MAP4K5: variants seen among roughly 807,000 people sequenced by gnomAD.
The protein encoded by MAP4K5 is mitogen-activated protein kinase kinase kinase kinase 5, also known as MAPK/ERK kinase kinase kinase 5.
MAP4K5 carries 82 observed loss-of-function variants against 135.6 expected under a neutral mutation model. That is an observed-to-expected ratio of 0.60 (90% CI 0.51 to 0.73). MAP4K5 has a LOEUF of 0.73. MAP4K5 is among the 30% of genes least tolerant of loss of function. MAP4K5 has a pLI of 0.00. For missense variants in MAP4K5, 907 were observed against 1,010.9 expected, an observed-to-expected ratio of 0.90 and a Z score of 1.39; for synonymous variants, 347 against 335.0, an observed-to-expected ratio of 1.04 and a Z score of -0.39.
chr14:50,511,409 TA>T (rs1392834751), intron 2 of MAP4K5, among the ~76,000 whole-genome samples: 1 of 151,594 alleles, frequency 6.6e-6, no homozygotes, highest in African/African-American at 2.4e-5. Context: ...CTGAGAAGGG[TA>T]GGGGGAAGGG....
At chr14:50,551,329 G>T (rs2038699341) in intron 1 of MAP4K5, among the ~76,000 whole-genome samples, 1 of 133,750 alleles carries the variant, frequency 7.5e-6, no homozygotes, top group Admixed American at 8.2e-5. Flanking sequence ...AAATCAGGAA[G>T]AAATAGAAAC....
At chr14:50,457,830 C>T (rs1255028159) in intron 13 of MAP4K5, among the ~76,000 whole-genome samples, 2 of 152,186 alleles carry the variant, frequency 1.3e-5, no homozygotes, top group Non-Finnish European at 2.9e-5. Flanking sequence ...AACATCTCTC[C>T]TTATCCAGTT....
intron 3 of MAP4K5, among the ~76,000 whole-genome samples, chr14:50,496,242 C>T (rs1280903296): frequency 6.6e-6 from 1 of 152,042 alleles, no homozygotes; most frequent in East Asian, 1.9e-4. Flanking sequence ...AGGAGAATGG[C>T]TTGATCCCGG....
chr14:50,463,603 G>C (rs1000287256), intron 12 of MAP4K5, among the ~76,000 whole-genome samples: 1 of 152,114 alleles, frequency 6.6e-6, no homozygotes, highest in Non-Finnish European at 1.5e-5. Context: ...AAATTTGCTG[G>C]TCAGGCATGG....
intron 14 of MAP4K5, chr14:50,450,298 C>T (rs1298031066): frequency 6.6e-6 from 1 of 152,138 alleles, no homozygotes; most frequent in East Asian, 1.9e-4. Context: ...CAGCTATCTA[C>T]ATGTAAACAT....
chr14:50,479,688 T>C (rs1028343511), intron 6 of MAP4K5, among the ~76,000 whole-genome samples: 8 of 152,198 alleles, frequency 5.3e-5, no homozygotes, highest in Non-Finnish European at 2.9e-5. Context: ...CTGATTTTCA[T>C]CTTATTTTGC....
chr14:50,521,367 T>G (rs1331821453), intron 2 of MAP4K5, among the ~76,000 whole-genome samples: 1 of 152,198 alleles, frequency 6.6e-6, no homozygotes, highest in Non-Finnish European at 1.5e-5. Flanking sequence ...TTAAGGACTA[T>G]GTGTAGAGTA....
At chr14:50,443,690 G>C in intron 20 of MAP4K5, 39 bp downstream of exon 20, 1 of 1,543,798 alleles carries the variant, frequency 6.5e-7, no homozygotes, top group Non-Finnish European at 8.7e-7. Context: ...TCTAAAGAGA[G>C]AAAAAACGGC....
At chr14:50,485,914 T>C (rs2037352924) in intron 4 of MAP4K5, 190 bp downstream of exon 4, 2 of 539,278 alleles carry the variant, frequency 3.7e-6, no homozygotes. Context: ...GAGGTACAAC[T>C]ATAAAAATGG....
Position 50,488,746 on chromosome 14 carries a change from T to C in MAP4K5, c.167-2552A>G, listed in dbSNP as rs377425894. Among the ~76,000 whole-genome samples the C allele has an allele frequency of 1.1e-3, 169 of 152,168 alleles. 6 individuals are homozygous for C. The South Asian group carries it at 0.033, about 29-fold the overall frequency. On this transcript the variant is annotated intron_variant, in intron 3 of 32. Coordinates refer to ENST00000682126, the MANE Select transcript of MAP4K5 (RefSeq NM_006575.6). ...AGTGAGTGACAACTTTTTACAGCTG[T>C]AGCTGGAAGCAAGAATTCCCAAGCA...
At chr14:50,495,525 G>T (rs181473452) in intron 3 of MAP4K5, among the ~76,000 whole-genome samples, 2 of 152,152 alleles carry the variant, frequency 1.3e-5, no homozygotes, top group Admixed American at 6.5e-5. Flanking sequence ...ACAAATTAAA[G>T]GTGGAACTAT....
chr14:50,457,497 ACTG>A (rs1227131013), intron 13 of MAP4K5, among the ~76,000 whole-genome samples: 7 of 152,142 alleles, frequency 4.6e-5, no homozygotes, highest in Admixed American at 2.0e-4. Flanking sequence ...ACTGTCATTC[ACTG>A]ATGACTCTCA....
intron 2 of MAP4K5, among the ~76,000 whole-genome samples, chr14:50,517,357 G>A (rs980317460): frequency 6.6e-6 from 1 of 151,728 alleles, no homozygotes; most frequent in African/African-American, 2.4e-5. Context: ...TCACCATGTT[G>A]GCCAGGCTGG....
chr14:50,502,048 A>T (rs533684145), intron 3 of MAP4K5, among the ~76,000 whole-genome samples: 7 of 152,298 alleles, frequency 4.6e-5, no homozygotes, highest in African/African-American at 1.7e-4. Flanking sequence ...CACAAATGGA[A>T]GGAGAAATGG....
chr14:50,521,113 A>G (rs543482345), intron 2 of MAP4K5, among the ~76,000 whole-genome samples: 10 of 151,844 alleles, frequency 6.6e-5, no homozygotes, highest in African/African-American at 2.4e-4. Context: ...GAGCCACCAC[A>G]CCCGGGCAAA....
At chr14:50,532,283 A>G (rs1265360902) in intron 1 of MAP4K5, 125 bp from the exon 2 acceptor site, 3 of 460,472 alleles carry the variant, frequency 6.5e-6, no homozygotes, top group Non-Finnish European at 1.1e-5. Flanking sequence ...AGGGGCCTGG[A>G]AGGGCCCCCG....
At chr14:50,515,107 T>C (rs763635013) in intron 2 of MAP4K5, among the ~76,000 whole-genome samples, 1 of 152,160 alleles carries the variant, frequency 6.6e-6, no homozygotes, top group African/African-American at 2.4e-5. Context: ...TTTCACCATG[T>C]TGGCCAGGAT....
intron 3 of MAP4K5, among the ~76,000 whole-genome samples, chr14:50,498,494 T>C (rs1165303993): frequency 6.6e-6 from 1 of 152,216 alleles, no homozygotes; most frequent in Non-Finnish European, 1.5e-5. Flanking sequence ...TTGTGGCTAA[T>C]TAATAAACGC....
At chr14:50,537,976 A>T (rs2140141880) in intron 2 of MAP4K5, among the ~76,000 whole-genome samples, 1 of 152,294 alleles carries the variant, frequency 6.6e-6, no homozygotes, top group African/African-American at 2.4e-5. Flanking sequence ...ACTGTTGGGA[A>T]GGCATGATTG....
Sources: allele counts gnomAD v4.1 joint callset (sites outside exome capture counted in the v4.1 genomes callset), GRCh38; gene constraint gnomAD v4.1.1; transcripts MANE v1.5; gene names NCBI Gene and HGNC (gene_info 2026-07-23, HGNC 2026-07-21).